The following LMNB2 variants were observed in gnomAD, a reference collection of about 807,000 sequenced individuals.
The protein encoded by LMNB2 is lamin-B2.
A neutral mutation model predicts 69.3 loss-of-function variants in LMNB2; 17 were observed. That is an observed-to-expected ratio of 0.25 (90% CI 0.17 to 0.37). LMNB2 has a LOEUF of 0.37. LMNB2 is among the 10% of genes least tolerant of loss of function. The pLI, the probability that LMNB2 is intolerant of heterozygous loss-of-function variation, is 1.00. For missense variants in LMNB2, 789 were observed against 883.6 expected, an observed-to-expected ratio of 0.89 and a Z score of 1.36; for synonymous variants, 397 against 389.3, an observed-to-expected ratio of 1.02 and a Z score of -0.23.
At chr19:2,435,203 C>G (rs1568202694) in intron 4 of LMNB2, 32 bp from the exon 5 acceptor site, 7 of 1,596,540 alleles carry the variant, frequency 4.4e-6, no homozygotes, top group Non-Finnish European at 5.9e-6. Flanking sequence ...CCCTCTGGTC[C>G]CGCCTGGGCC....
chr19:2,445,079 C>T (rs1430701700), intron 1 of LMNB2, among the ~76,000 whole-genome samples: 1 of 152,156 alleles, frequency 6.6e-6, no homozygotes, highest in African/African-American at 2.4e-5. Flanking sequence ...CCGCTGGGCA[C>T]CATGGACACT....
chr19:2,436,504 C>T (rs145084345), intron 4 of LMNB2, among the ~76,000 whole-genome samples: 5,345 of 151,536 alleles, frequency 0.035, 124 homozygotes, highest in Non-Finnish European at 0.051. Flanking sequence ...GGGCCGCGCA[C>T]CCACCTCCAC....
intron 4 of LMNB2, among the ~76,000 whole-genome samples, chr19:2,437,806 A>AAAAAAAAAAAAAAAAG (rs1568203831): frequency 3.9e-4 from 59 of 151,894 alleles, no homozygotes; most frequent in African/African-American, 1.4e-3. Context: ...TCTCAAAAAA[A>AAAAAAAAAAAAAAAAG]GACGTGCCCA....
chr19:2,435,189 G>A lies in LMNB2; in HGVS notation c.685-18C>T, dbSNP rs771124388. On this transcript the variant is annotated intron_variant, in intron 4 of 11. Transcript: ENST00000325327. ...CGCACCTCCTGCGGACCAAGGCTTC[G>A]TGACCCTCTGGTCCCGCCTGGGCCC... The A allele has an allele frequency of 1.9e-5, 31 of 1,598,774 alleles. No individual in the cohort carries two copies. The highest frequency in any genetic ancestry group is 6.7e-5 in the Admixed American group (4 of 59,944).
intron 1 of LMNB2, 26 bp downstream of exon 1, chr19:2,456,643 GC>G (rs1444321756): frequency 1.4e-6 from 2 of 1,462,214 alleles, no homozygotes; most frequent in South Asian, 1.3e-5. Context: ...CTGCACCCCC[GC>G]CCGGCCCCTA....
In LMNB2 at chr19:2,447,497, T is replaced by C. The variant is rs980388950; in HGVS notation, c.265-2957A>G. The stretch of plus-strand genomic sequence containing the variant: ...GTTCTAAAATTGGACACATTGGTGG[T>C]GGCACAGCTGTGGAGATATGAAAAC... On this transcript the variant is annotated intron_variant, in intron 1 of 11. Coordinates refer to ENST00000325327, the MANE Select transcript of LMNB2 (RefSeq NM_032737.4). The surrounding 1 kb of genome is among the most constrained non-coding windows in gnomAD (Gnocchi z 4.4). Among the ~76,000 whole-genome samples, 1 of 152,112 alleles carries C rather than the reference T, an allele frequency of 6.6e-6. No homozygotes were observed. Among genetic ancestry groups the C allele is most frequent in the Non-Finnish European group, 1.5e-5 (1 of 68,014 alleles).
Position 2,444,541 on chromosome 19 carries a change from C to T in LMNB2, c.265-1G>A. 6.2e-7 allele frequency: 1 copy of T among 1,609,248 alleles called. No individual in the cohort carries two copies. Among genetic ancestry groups the T allele is most frequent in the Non-Finnish European group, 8.5e-7 (1 of 1,180,002 alleles). ...CGTACAGCGCCTTGATGCCACTCAC[C>T]TGGGGAGACCCAGGACAGGGTGAAG... On this transcript the variant is annotated splice_acceptor_variant, in intron 1 of 11. Coordinates refer to ENST00000325327, the MANE Select transcript of LMNB2 (RefSeq NM_032737.4). LOFTEE classifies it high-confidence loss of function.
At chr19:2,431,489 A>G (rs1971738868) in intron 11 of LMNB2, 59 bp downstream of exon 11, 1 of 1,609,864 alleles carries the variant, frequency 6.2e-7, no homozygotes, top group Non-Finnish European at 8.5e-7. Context: ...ATGTGTGTGC[A>G]CGAGCTCACT....
intron 2 of LMNB2, among the ~76,000 whole-genome samples, chr19:2,440,436 C>T (rs1971884810): frequency 6.6e-6 from 1 of 152,118 alleles, no homozygotes; most frequent in Non-Finnish European, 1.5e-5. Flanking sequence ...GTGATCTGTC[C>T]GCCTTGGCCT....
chr19:2,431,027 C>T, intron 11 of LMNB2, 75 bp from the exon 12 acceptor site: 1 of 867,238 alleles, frequency 1.2e-6, no homozygotes, highest in African/African-American at 1.6e-5. Flanking sequence ...GATGGCTGCC[C>T]CCACCTCCCC....
At position 2,431,866 on chromosome 19, in the gene LMNB2, G is replaced by T. The variant is rs766661845; in HGVS notation, c.1627C>A (p.Pro543Thr). The change falls in exon 10 of 12, where the codon CCC becomes ACC. Residue 543 changes from proline to threonine, a missense_variant. Physicochemically the swap from Pro to Thr is conservative, Grantham distance 38. Coordinates refer to ENST00000325327, the MANE Select transcript of LMNB2 (RefSeq NM_032737.4). ...AAGAGVAHSPPSTLVWKGQSS... is the reference protein window; with the variant it reads ...AAGAGVAHSPTSTLVWKGQSS... ...TGGCCCTTCCACACCAGCGTCGAGG[G>T]GGGGCTGTGGGCCACCCCCGCACCA... 1.9e-6 allele frequency: 3 copies of T among 1,613,040 alleles called. No individual in the cohort carries two copies. The highest frequency in any genetic ancestry group is 1.3e-5 in the African/African-American group (1 of 75,026).
At position 2,443,706 on chromosome 19, in the gene LMNB2, A is replaced by C. The variant is rs1971923711; in HGVS notation, c.401+698T>G. On this transcript the variant is annotated intron_variant, in intron 2 of 11. Transcript: ENST00000325327. The surrounding 1 kb of genome is among the most constrained non-coding windows in gnomAD (Gnocchi z 6.2). ...CTCGCTCTAGCTGGAGCCTCACATC[A>C]AGAAAAGCCTTGAGCTCAGTGTTTC... is the stretch of plus-strand genomic sequence containing the variant. Among the ~76,000 whole-genome samples the C allele has an allele frequency of 1.3e-5, 2 of 152,168 alleles. No individual in the cohort carries two copies.
chr19:2,432,474 T>C lies in LMNB2; in HGVS notation c.1532A>G (p.Glu511Gly). ...GGGCGTGAACTTGTAGGCGATCTCC[T>C]CCCCCTCCAAGACCTGCCTCTTGAT... ...WRIKRQVLEGEEIAYKFTPKY... is the reference protein window; with the variant it reads ...WRIKRQVLEGGEIAYKFTPKY... Residue 511 changes from glutamate to glycine, a missense_variant, in exon 9 of 12, where the codon GAG becomes GGG. Coordinates refer to ENST00000325327, the MANE Select transcript of LMNB2 (RefSeq NM_032737.4). 3 of 1,613,312 alleles carry C rather than the reference T, an allele frequency of 1.9e-6. No homozygotes were observed. In the African/African-American group the frequency reaches 4.0e-5, roughly 22 times the overall value.
intron 4 of LMNB2, 25 bp downstream of exon 4, chr19:2,438,138 G>C: frequency 6.2e-7 from 1 of 1,613,050 alleles, no homozygotes; most frequent in Non-Finnish European, 8.5e-7. Context: ...GCTGTGCCAG[G>C]CTGGAGGCCA....
intron 11 of LMNB2, 39 bp from the exon 12 acceptor site, chr19:2,430,991 G>T (rs1248050502): frequency 7.9e-6 from 12 of 1,519,692 alleles, no homozygotes; most frequent in Middle Eastern, 2.0e-4. Flanking sequence ...CATGATCAGG[G>T]CCAGCCTGGA....
At chr19:2,434,215 C>G (rs960944807) in intron 7 of LMNB2, 80 bp downstream of exon 7, 2 of 1,553,764 alleles carry the variant, frequency 1.3e-6, no homozygotes, top group Admixed American at 3.8e-5. Context: ...CCCAGCACTC[C>G]CCGCAGCCCC....
Position 2,456,959 on chromosome 19 carries a change from T to A in LMNB2, c.-26A>T. ...TCAATCCGCGCCGCCGGCTGCAAGA[T>A]GGCGCCGCGCCGCGCCGCGCCCGCC... On this transcript the variant is annotated 5_prime_UTR_variant, in exon 1 of 12. Transcript: ENST00000325327. The A allele has an allele frequency of 1.0e-6, 1 of 982,194 alleles. No individual in the cohort carries two copies. Among genetic ancestry groups the A allele is most frequent in the Non-Finnish European group, 1.2e-6 (1 of 828,774 alleles). 60.8% of individuals were successfully genotyped at this position (982,194 alleles called of 1,614,324 possible).
At chr19:2,455,466 G>A (rs1205866414) in intron 1 of LMNB2, among the ~76,000 whole-genome samples, 1 of 152,090 alleles carries the variant, frequency 6.6e-6, no homozygotes, top group Admixed American at 6.5e-5. Context: ...CATATGGGGG[G>A]CTGCAGCCCA....
In LMNB2 at chr19:2,443,028, G is replaced by A. The variant is rs951781929; in HGVS notation, c.401+1376C>T. On this transcript the variant is annotated intron_variant, in intron 2 of 11. Coordinates refer to ENST00000325327, the MANE Select transcript of LMNB2 (RefSeq NM_032737.4). This position sits in a 1 kb window ranked among gnomAD's most constrained non-coding sequence, Gnocchi z 6.2. ...CCAAGCTCTAGTCATCCCACAGCCT[G>A]CATGGCTCCACTGATGAACCTGCTT... 1.3e-5 allele frequency among the ~76,000 whole-genome samples: 2 copies of A among 152,232 alleles called. No individual in the cohort carries two copies. The highest frequency in any genetic ancestry group is 4.8e-5 in the African/African-American group (2 of 41,466).
Sources: gnomAD v4.1 joint callset for allele counts (sites outside exome capture counted in the v4.1 genomes callset) on GRCh38, gnomAD v4.1.1 for gene constraint, Gnocchi (gnomAD v3.1) non-coding constraint, MANE v1.5 for transcripts, NCBI Gene and HGNC (gene_info 2026-07-23, HGNC 2026-07-21) for gene names.